Variants in ACTR3C observed in about 807,000 individuals in gnomAD.
ACTR3C encodes actin-related protein 3C.
In ACTR3C, 18 loss-of-function variants were observed where a neutral mutation model predicts 26.3. The observed-to-expected ratio is 0.68, with a 90% confidence interval of 0.47 to 1.01. ACTR3C has a LOEUF of 1.01. ACTR3C is among the 50% of genes least tolerant of loss of function. The pLI, the probability that ACTR3C is intolerant of heterozygous loss-of-function variation, is 0.00. For missense variants in ACTR3C, 184 were observed against 250.7 expected (o/e 0.73, Z 1.80); for synonymous variants, 55 against 94.5 (o/e 0.58, Z 2.42).
the ACTR3C span, among the ~76,000 whole-genome samples, chr7:150,124,194 A>C: frequency 6.6e-6 from 1 of 152,198 alleles, no homozygotes; most frequent in Non-Finnish European, 1.5e-5. Context: ...TCCTGATTCA[A>C]CATCAGATCT....
the ACTR3C span, among the ~76,000 whole-genome samples, chr7:150,175,884 C>T: frequency 5.8e-3 from 852 of 146,806 alleles, 51 homozygotes; most frequent in African/African-American, 0.021. Context: ...AGTTTTCAAA[C>T]TCAGAGCTTC....
rs1834692575 is a variant in ACTR3C, at chr7:150,274,410, C to T, written c.564+10343G>A. ...TTTTTAGACATAATGCTATTATACA[C>T]TTAAACCATAATATAGTGCAAACAT... On this transcript the variant is annotated intron_variant, in intron 6 of 7. Transcript: ENST00000683684. This position sits in a 1 kb window ranked among gnomAD's most constrained non-coding sequence, Gnocchi z 4.1. Among the ~76,000 whole-genome samples the T allele has an allele frequency of 1.3e-5, 2 of 152,200 alleles. No individual in the cohort carries two copies. Among genetic ancestry groups the T allele is most frequent in the South Asian group, 4.1e-4 (2 of 4,828 alleles).
chr7:149,917,626 G>A, the ACTR3C span, among the ~76,000 whole-genome samples: 1 of 105,768 alleles, frequency 9.5e-6, no homozygotes, highest in Non-Finnish European at 1.8e-5. Flanking sequence ...TTAAAACAGT[G>A]TTTTACATCT....
the ACTR3C span, among the ~76,000 whole-genome samples, chr7:149,943,256 G>A: frequency 6.9e-6 from 1 of 144,010 alleles, no homozygotes; most frequent in African/African-American, 2.9e-5. Flanking sequence ...TTTGACCCTT[G>A]ATGTAGAATT....
At chr7:150,184,868 T>C in the ACTR3C span, among the ~76,000 whole-genome samples, 67 of 144,382 alleles carry the variant, frequency 4.6e-4, 1 homozygote, top group Admixed American at 1.1e-3. Flanking sequence ...CTGCCTCTAG[T>C]TGACAGCTTT....
the ACTR3C span, among the ~76,000 whole-genome samples, chr7:150,222,816 G>C: frequency 2.0e-5 from 3 of 152,182 alleles, no homozygotes; most frequent in African/African-American, 7.2e-5. Flanking sequence ...CAATATGTTT[G>C]ACTTTGACGT....
the ACTR3C span, among the ~76,000 whole-genome samples, chr7:150,228,403 T>G: frequency 6.6e-6 from 1 of 152,216 alleles, no homozygotes; most frequent in African/African-American, 2.4e-5. Flanking sequence ...TTGGAATCCA[T>G]TGCTATGTTA....
chr7:150,051,581 A>G, the ACTR3C span, among the ~76,000 whole-genome samples: 2 of 109,058 alleles, frequency 1.8e-5, 1 homozygote, highest in Non-Finnish European at 4.0e-5. Context: ...GTGAGAAAAT[A>G]TTTTTGAAAA....
intron 6 of ACTR3C, among the ~76,000 whole-genome samples, chr7:150,267,575 G>A (rs1361345108): frequency 6.6e-6 from 1 of 152,196 alleles, no homozygotes; most frequent in Non-Finnish European, 1.5e-5. Context: ...CGAGAGTGGT[G>A]ATGCTAACAC....
chr7:150,273,510 T>C (rs1338976635), intron 6 of ACTR3C, among the ~76,000 whole-genome samples: 4 of 151,284 alleles, frequency 2.6e-5, no homozygotes. Flanking sequence ...GCTCAAGCAA[T>C]TCTGCCTTGG....
In ACTR3C at chr7:150,285,631, C is replaced by T. The variant is rs184686699; in HGVS notation, c.471+736G>A. On this transcript the variant is annotated intron_variant, in intron 5 of 7. Coordinates refer to ENST00000683684, the MANE Select transcript of ACTR3C (RefSeq NM_001164458.2). ...TATTCTTCAGATTACTAGCGAGGAA[C>T]ACATTCTATGCTATTTCTCTGTACA... Among the ~76,000 whole-genome samples the T allele has an allele frequency of 1.6e-3, 249 of 152,302 alleles. 2 individuals carry two copies. Among genetic ancestry groups the T allele is most frequent in the African/African-American group, 5.7e-3 (236 of 41,578 alleles).
chr7:150,267,674 T>C (rs577160686), intron 6 of ACTR3C, among the ~76,000 whole-genome samples: 1 of 152,308 alleles, frequency 6.6e-6, no homozygotes, highest in South Asian at 2.1e-4. Context: ...AGTATGTATG[T>C]ACAGGAAAAA....
At chr7:149,892,188 C>T in the ACTR3C span, 41 of 1,315,780 alleles carry the variant, frequency 3.1e-5, no homozygotes, top group East Asian at 5.8e-4. Context: ...TTCTACAACT[C>T]GCAAATACAA....
intron 1 of ACTR3C, among the ~76,000 whole-genome samples, chr7:150,316,146 G>A (rs1470043110): frequency 2.0e-5 from 3 of 152,282 alleles, no homozygotes; most frequent in East Asian, 1.9e-4. Context: ...GCAGTGAGCC[G>A]AGATCACGCC....
intron 1 of ACTR3C, among the ~76,000 whole-genome samples, chr7:150,317,286 G>A (rs1797029678): frequency 6.6e-6 from 1 of 152,116 alleles, no homozygotes; most frequent in South Asian, 2.1e-4. Context: ...ATGGACTCAA[G>A]TGACCTGCCT....
the ACTR3C span, among the ~76,000 whole-genome samples, chr7:150,097,112 C>A: frequency 1.3e-5 from 2 of 151,960 alleles, no homozygotes; most frequent in South Asian, 2.1e-4. Context: ...TAACATGATG[C>A]TGTCTTAAGC....
the ACTR3C span, among the ~76,000 whole-genome samples, chr7:150,035,220 C>G: frequency 8.7e-6 from 1 of 115,486 alleles, no homozygotes; most frequent in Non-Finnish European, 1.9e-5. Flanking sequence ...CCTCCCACCT[C>G]TGCCATGGGG....
At chr7:149,895,457 C>T in the ACTR3C span, among the ~76,000 whole-genome samples, 1 of 152,060 alleles carries the variant, frequency 6.6e-6, no homozygotes, top group Non-Finnish European at 1.5e-5. Context: ...TAGATTTAAC[C>T]ATTCACAATG....
chr7:150,205,081 T>C, the ACTR3C span, among the ~76,000 whole-genome samples: 2 of 152,352 alleles, frequency 1.3e-5, no homozygotes, highest in East Asian at 3.9e-4. Context: ...ATTTTGTAAA[T>C]GATACTATTT....
Sources: allele counts gnomAD v4.1 joint callset (sites outside exome capture counted in the v4.1 genomes callset), GRCh38; gene constraint gnomAD v4.1.1; non-coding constraint Gnocchi (gnomAD v3.1); transcripts MANE v1.5; gene names NCBI Gene and HGNC (gene_info 2026-07-23, HGNC 2026-07-21).